HYDIN: variants seen among roughly 807,000 people sequenced by gnomAD.
HYDIN encodes the protein HYDIN axonemal central pair apparatus protein.
A neutral mutation model predicts 403.9 loss-of-function variants in HYDIN; 132 were observed. That is an observed-to-expected ratio of 0.33 (90% CI 0.28 to 0.38). The LOEUF (loss-of-function observed/expected upper bound fraction) is 0.38. Ranked by LOEUF, HYDIN falls within the 10% of genes least tolerant of loss-of-function variation. The probability of loss-of-function intolerance (pLI) is 1.00; values close to 1 mark genes in which losing one functional copy is unlikely to be tolerated. For synonymous variants in HYDIN, 1,202 were observed against 1,891.7 expected, an observed-to-expected ratio of 0.64 and a Z score of 9.46; for missense variants, 2,827 against 5,009.5, an observed-to-expected ratio of 0.56 and a Z score of 13.15.
intron 2 of HYDIN, among the ~76,000 whole-genome samples, chr16:71,186,216 A>G (rs181514175): frequency 1.3e-5 from 2 of 152,242 alleles, no homozygotes; most frequent in East Asian, 3.9e-4. Context: ...ATTTTTACTA[A>G]TATTTTCTAC....
intron 10 of HYDIN, among the ~76,000 whole-genome samples, chr16:71,101,814 G>C (rs567604873): frequency 1.7e-3 from 253 of 152,212 alleles, no homozygotes; most frequent in African/African-American, 5.9e-3. Flanking sequence ...TATACATCCT[G>C]TATGTCCTGG....
chr16:70,878,900 G>T (rs1333311669), intron 62 of HYDIN, among the ~76,000 whole-genome samples: 1 of 141,876 alleles, frequency 7.0e-6, no homozygotes, highest in Admixed American at 6.7e-5. Context: ...TTTAATCATT[G>T]AATCAAAATA....
intron 10 of HYDIN, among the ~76,000 whole-genome samples, chr16:71,102,731 A>G (rs990865639): frequency 6.6e-6 from 1 of 151,394 alleles, no homozygotes; most frequent in Admixed American, 6.6e-5. Flanking sequence ...CTGATGGTTT[A>G]GTCTTTCATG....
At position 71,030,146 on chromosome 16, in the gene HYDIN, G is replaced by C. The variant is rs117639197; in HGVS notation, c.2768+1533C>G. The stretch of plus-strand genomic sequence containing the variant: ...GTTCACTGTAGCCTCAACCTCCCGG[G>C]TACAAGCAATCCTCTCACCTCAGCC... On this transcript the variant is annotated intron_variant, in intron 19 of 85. Transcript: ENST00000393567. Among the ~76,000 whole-genome samples the C allele has an allele frequency of 3.4e-4, 52 of 152,248 alleles. No homozygotes were observed. The East Asian group carries it at 9.5e-3, about 28-fold the overall frequency.
intron 1 of HYDIN, among the ~76,000 whole-genome samples, chr16:71,214,656 G>C (rs912598554): frequency 3.3e-5 from 5 of 152,134 alleles, no homozygotes; most frequent in Admixed American, 2.0e-4. Flanking sequence ...CATATTCCTT[G>C]ACCAGTGGGA....
chr16:71,149,450 CAT>C (rs2085448135), intron 7 of HYDIN, among the ~76,000 whole-genome samples: 1 of 151,556 alleles, frequency 6.6e-6, no homozygotes, highest in Non-Finnish European at 1.5e-5. Flanking sequence ...GAAATAAAAA[CAT>C]ATGTATATCT....
chr16:70,818,251 T>C (rs2035974976), intron 84 of HYDIN, 91 bp downstream of exon 84: 2 of 684,226 alleles, frequency 2.9e-6, no homozygotes, highest in African/African-American at 3.6e-5. Context: ...TGGCCCACCC[T>C]CTGGGGATGC....
chr16:70,923,818 C>T (rs1397615744), intron 45 of HYDIN, among the ~76,000 whole-genome samples: 1 of 129,846 alleles, frequency 7.7e-6, no homozygotes, highest in Non-Finnish European at 1.6e-5. Flanking sequence ...AAGACTCTGT[C>T]TCAAAAAAAA....
At chr16:71,008,564 C>T (rs958577430) in intron 23 of HYDIN, among the ~76,000 whole-genome samples, 11 of 151,998 alleles carry the variant, frequency 7.2e-5, no homozygotes, top group Admixed American at 3.9e-4. Flanking sequence ...CCTACTTGGA[C>T]ATATTCTTTG....
rs1258994443 is a variant in HYDIN, at chr16:70,850,507, T to C, written c.12592A>G (p.Arg4198Gly). The C allele has an allele frequency of 6.2e-7, 1 of 1,606,438 alleles. No individual in the cohort carries two copies. Among genetic ancestry groups the C allele is most frequent in the Admixed American group, 1.7e-5 (1 of 59,030 alleles). ...TMNVEIKCKD[R>G]TGSITLLTPN... ...GTCAACAGAGTGATGGAGCCTGTCC[T>C]GTCCTTGCACTTGATCTCCACATTC... is the stretch of plus-strand genomic sequence containing the variant. Residue 4198 changes from arginine (R) to glycine (G), a missense_variant, in exon 74 of 86, where the codon AGG becomes GGG. By Grantham distance (125) the Arg-to-Gly change is moderately radical. Coordinates refer to ENST00000393567, the MANE Select transcript of HYDIN (RefSeq NM_001270974.2).
At chr16:70,992,041 C>T (rs1194088594) in intron 24 of HYDIN, 29 bp downstream of exon 24, 1 of 1,613,338 alleles carries the variant, frequency 6.2e-7, no homozygotes, top group Non-Finnish European at 8.5e-7. Flanking sequence ...AAAGCTACTA[C>T]AAATAATCTA....
intron 18 of HYDIN, among the ~76,000 whole-genome samples, chr16:71,044,110 G>T (rs754003191): frequency 8.1e-4 from 120 of 148,704 alleles, no homozygotes; most frequent in Non-Finnish European, 1.4e-3. Flanking sequence ...GTTTATTTCT[G>T]CCCTTCCTTG....
At chr16:71,011,724 A>T (rs1295655926) in intron 23 of HYDIN, among the ~76,000 whole-genome samples, 6 of 135,336 alleles carry the variant, frequency 4.4e-5, no homozygotes, top group Non-Finnish European at 9.0e-5. Context: ...GACTTTGTTT[A>T]AAAAAAAAAA....
chr16:71,157,134 A>G (rs1018525984), intron 6 of HYDIN, among the ~76,000 whole-genome samples: 2 of 151,552 alleles, frequency 1.3e-5, no homozygotes, highest in Admixed American at 1.3e-4. Flanking sequence ...GTTAGATACA[A>G]TCCTTCCATT....
chr16:71,063,298 C>T (rs1327488856), intron 16 of HYDIN, among the ~76,000 whole-genome samples: 5 of 152,228 alleles, frequency 3.3e-5, no homozygotes, highest in Non-Finnish European at 7.3e-5. Flanking sequence ...CTAACTCCTC[C>T]CTGTGCCGCA....
chr16:70,981,233 A>T (rs2079035932), intron 29 of HYDIN, among the ~76,000 whole-genome samples, 158 bp downstream of exon 29: 2 of 152,268 alleles, frequency 1.3e-5, no homozygotes, highest in Non-Finnish European at 2.9e-5. Flanking sequence ...TTGTCGCAGT[A>T]AACTCAGGTC....
At chr16:71,179,128 C>T in intron 3 of HYDIN, 81 bp from the exon 4 acceptor site, 1 of 1,043,052 alleles carries the variant, frequency 9.6e-7, no homozygotes. Context: ...ACTACGTAGA[C>T]CTGTGGATAT....
At chr16:71,015,507 C>A (rs1247082508) in intron 23 of HYDIN, among the ~76,000 whole-genome samples, 1 of 118,252 alleles carries the variant, frequency 8.5e-6, no homozygotes, top group Non-Finnish European at 1.7e-5. Flanking sequence ...TGCATTAGGT[C>A]GGGTTGGCTG....
At chr16:70,951,291 A>G (rs888426390) in intron 41 of HYDIN, among the ~76,000 whole-genome samples, 1 of 150,942 alleles carries the variant, frequency 6.6e-6, no homozygotes, top group African/African-American at 2.4e-5. Context: ...GGAGAGAGGG[A>G]GAGAGAGAGA....
Sources: gnomAD v4.1 joint callset for allele counts (sites outside exome capture counted in the v4.1 genomes callset) on GRCh38, gnomAD v4.1.1 for gene constraint, MANE v1.5 for transcripts, NCBI Gene and HGNC (gene_info 2026-07-23, HGNC 2026-07-21) for gene names.